Variants in TEX9 observed in about 807,000 individuals in gnomAD.
The protein encoded by TEX9 is testis expressed 9, also known as testis-expressed protein 9.
In TEX9, 74 loss-of-function variants were observed where a neutral mutation model predicts 59.6. The ratio of observed to expected loss-of-function variants is 1.24; its 90% CI spans 1.03 to 1.51. The LOEUF is 1.51. Among genes scored for constraint, TEX9 ranks in the 40% most tolerant of loss-of-function variants. The pLI, the probability that TEX9 is intolerant of heterozygous loss-of-function variation, is 0.00. For synonymous variants in TEX9, 186 were observed against 152.2 expected (o/e 1.22, Z -1.64); for missense variants, 522 against 447.8 (o/e 1.17, Z -1.49).
intron 1 of TEX9, among the ~76,000 whole-genome samples, chr15:56,249,333 A>G (rs2043950787): frequency 6.6e-6 from 1 of 152,098 alleles, no homozygotes; most frequent in Admixed American, 6.5e-5. Flanking sequence ...ACTCCTTAGA[A>G]TGCAGTGTCA....
intron 1 of TEX9, among the ~76,000 whole-genome samples, chr15:56,353,050 G>A (rs2046615660): frequency 6.6e-6 from 1 of 152,118 alleles, no homozygotes; most frequent in Non-Finnish European, 1.5e-5. Context: ...GTGAGGTAGG[G>A]CACAATATTT....
intron 1 of TEX9, among the ~76,000 whole-genome samples, chr15:56,304,523 G>A (rs1324972817): frequency 6.6e-6 from 1 of 152,080 alleles, no homozygotes; most frequent in Non-Finnish European, 1.5e-5. Context: ...CCTTCATTCT[G>A]TTGATATGAT....
At chr15:56,365,464 G>C in exon 1 of TEX9, 6 of 1,613,576 alleles carry the variant, frequency 3.7e-6, no homozygotes, top group Non-Finnish European at 5.1e-6. Context: ...GCGGGGCGAA[G>C]TCTGTGTCTC....
At chr15:56,353,861 G>A (rs1476554746) in intron 1 of TEX9, among the ~76,000 whole-genome samples, 1 of 152,126 alleles carries the variant, frequency 6.6e-6, no homozygotes, top group African/African-American at 2.4e-5. Context: ...CCTAGTTCTT[G>A]TACTTTACTA....
chr15:56,312,688 A>C (rs1442300510), intron 1 of TEX9, among the ~76,000 whole-genome samples: 3 of 119,440 alleles, frequency 2.5e-5, no homozygotes, highest in African/African-American at 1.0e-4. Flanking sequence ...GAAGAAAGTC[A>C]TTGGTAGCTT....
At chr15:56,383,390 G>A (rs1335282733) in intron 3 of TEX9, among the ~76,000 whole-genome samples, 1 of 152,198 alleles carries the variant, frequency 6.6e-6, no homozygotes, top group African/African-American at 2.4e-5. Flanking sequence ...TTCTTGTGAT[G>A]ATGTTTTTGT....
At position 56,297,956 on chromosome 15, in the gene TEX9, T is replaced by TA. The variant is rs550255314; in HGVS notation, c.-107+53684dup. ...CATTTTACACATAGTAGGCACTTTT[T>TA]AAAAAATGAATGAAAGCATGAATAC... On this transcript the variant is annotated intron_variant, in intron 1 of 5. Coordinates refer to the TEX9 transcript ENST00000560827. Among the ~76,000 whole-genome samples the TA allele has an allele frequency of 1.1e-3, 160 of 152,298 alleles. 1 individual carries two copies. Among genetic ancestry groups the TA allele is most frequent in the Middle Eastern group, 3.4e-3 (1 of 294 alleles).
chr15:56,435,544 T>C (rs1322486839), intron 12 of TEX9, among the ~76,000 whole-genome samples: 11 of 152,010 alleles, frequency 7.2e-5, no homozygotes, highest in Admixed American at 5.3e-4. Flanking sequence ...CTACAAATTA[T>C]TATACACACA....
At chr15:56,287,610 T>C (rs2044984230) in intron 1 of TEX9, among the ~76,000 whole-genome samples, 1 of 152,142 alleles carries the variant, frequency 6.6e-6, no homozygotes, top group South Asian at 2.1e-4. Flanking sequence ...CCATAATGAA[T>C]AATAGATCTC....
chr15:56,332,058 G>A (rs535673021), intron 1 of TEX9, among the ~76,000 whole-genome samples: 5 of 130,516 alleles, frequency 3.8e-5, no homozygotes, highest in African/African-American at 1.4e-4. Flanking sequence ...GGAAGTCAGT[G>A]TGGCGATTCC....
At position 56,443,321 on chromosome 15, in the gene TEX9, T is replaced by C. The variant is rs957431370; in HGVS notation, c.*30-2350T>C. The C allele has an allele frequency of 6.6e-6, 5 of 757,066 alleles. No individual in the cohort carries two copies. The Admixed American group carries it at 1.1e-4, about 16-fold the overall frequency. 46.9% of individuals were successfully genotyped at this position (757,066 alleles called of 1,614,324 possible). On this transcript the variant is annotated intron_variant, in intron 12 of 12. Transcript: ENST00000352903. ...TTAACTGTAGTATACCATTTACATATAATGTAATTACCAGTATGGTTGGAT... is the reference window on the plus strand; with the variant it reads ...TTAACTGTAGTATACCATTTACATACAATGTAATTACCAGTATGGTTGGAT...
intron 1 of TEX9, among the ~76,000 whole-genome samples, chr15:56,284,823 A>C (rs2044908458): frequency 6.6e-6 from 1 of 152,096 alleles, no homozygotes; most frequent in African/African-American, 2.4e-5. Flanking sequence ...GGACTTAAGT[A>C]GTGCCCCCAT....
chr15:56,427,722 G>T, exon 11 of TEX9: 1 of 1,486,380 alleles, frequency 6.7e-7, no homozygotes, highest in East Asian at 2.5e-5. Context: ...ATTAATTGAT[G>T]TTTTAAAAAG....
At chr15:56,341,658 C>T (rs1282009719) in intron 1 of TEX9, among the ~76,000 whole-genome samples, 2 of 151,874 alleles carry the variant, frequency 1.3e-5, no homozygotes, top group African/African-American at 4.8e-5. Flanking sequence ...GCAATATTTC[C>T]CTTGGTCAAT....
At chr15:56,345,933 A>G (rs1295785749) in intron 1 of TEX9, among the ~76,000 whole-genome samples, 1 of 152,202 alleles carries the variant, frequency 6.6e-6, no homozygotes, top group African/African-American at 2.4e-5. Context: ...GATTCATAAT[A>G]TGAAAGCGTT....
chr15:56,251,612 C>T (rs1253301908), intron 1 of TEX9, among the ~76,000 whole-genome samples: 1 of 152,048 alleles, frequency 6.6e-6, no homozygotes, highest in Admixed American at 6.6e-5. Context: ...AAGCTAACCT[C>T]AGAAACCATT....
intron 1 of TEX9, among the ~76,000 whole-genome samples, chr15:56,261,352 C>A (rs188679357): frequency 1.3e-5 from 2 of 151,636 alleles, no homozygotes; most frequent in Admixed American, 1.3e-4. Context: ...CAACTTTCTT[C>A]TAATCATTGT....
chr15:56,302,583 A>G (rs564141430), intron 1 of TEX9, among the ~76,000 whole-genome samples: 6 of 152,276 alleles, frequency 3.9e-5, no homozygotes, highest in African/African-American at 1.4e-4. Flanking sequence ...GCAAGAAAGT[A>G]AAACATACTG....
At chr15:56,259,133 T>C (rs1186055357) in intron 1 of TEX9, among the ~76,000 whole-genome samples, 2 of 152,016 alleles carry the variant, frequency 1.3e-5, no homozygotes, top group African/African-American at 4.8e-5. Context: ...TCATGAAATA[T>C]TCCGTTATCT....
Sources: allele counts gnomAD v4.1 joint callset (sites outside exome capture counted in the v4.1 genomes callset), GRCh38; gene constraint gnomAD v4.1.1; transcripts MANE v1.5; gene names NCBI Gene and HGNC (gene_info 2026-07-23, HGNC 2026-07-21).